The following REEP3 variants were observed in gnomAD, a reference collection of about 807,000 sequenced individuals.
The protein encoded by REEP3 is receptor accessory protein 3.
REEP3 carries 20 observed loss-of-function variants against 41.3 expected under a neutral mutation model. The ratio of observed to expected loss-of-function variants is 0.48; its 90% CI spans 0.34 to 0.70. The LOEUF is 0.70. Ranked by LOEUF, REEP3 falls within the 30% of genes least tolerant of loss-of-function variation. The pLI is 0.01. For missense variants in REEP3, 271 were observed against 308.8 expected (o/e 0.88, Z 0.92); for synonymous variants, 104 against 101.8 (o/e 1.02, Z -0.13).
At chr10:63,582,138 G>C (rs1420074786) in intron 2 of REEP3, among the ~76,000 whole-genome samples, 1 of 152,190 alleles carries the variant, frequency 6.6e-6, no homozygotes, top group African/African-American at 2.4e-5. Flanking sequence ...CTGGGATTCT[G>C]CTAAAATGCA....
intron 6 of REEP3, among the ~76,000 whole-genome samples, chr10:63,611,497 A>G (rs1427263148): frequency 2.0e-5 from 3 of 152,210 alleles, no homozygotes; most frequent in Non-Finnish European, 2.9e-5. Context: ...AAAAACTATC[A>G]TGATCTTAGA....
intron 2 of REEP3, among the ~76,000 whole-genome samples, chr10:63,582,419 A>G (rs1955963124): frequency 6.6e-6 from 1 of 152,174 alleles, no homozygotes; most frequent in African/African-American, 2.4e-5. Flanking sequence ...CCAAGTTGAA[A>G]ACCACTGATT....
At chr10:63,533,757 G>A (rs532028058) in intron 1 of REEP3, among the ~76,000 whole-genome samples, 1 of 123,238 alleles carries the variant, frequency 8.1e-6, no homozygotes, top group Non-Finnish European at 1.7e-5. Context: ...TCCCAGGCTG[G>A]AGTGCAGTGG....
chr10:63,586,877 G>C (rs1201586022), intron 2 of REEP3, among the ~76,000 whole-genome samples: 1 of 151,736 alleles, frequency 6.6e-6, no homozygotes, highest in Non-Finnish European at 1.5e-5. Context: ...TTTTGTGCCA[G>C]GTACTGTACA....
intron 2 of REEP3, among the ~76,000 whole-genome samples, chr10:63,583,218 C>T (rs1955971402): frequency 6.6e-6 from 1 of 152,114 alleles, no homozygotes; most frequent in Admixed American, 6.6e-5. Context: ...GTGTTGATCA[C>T]CTGACCTCAT....
At chr10:63,567,846 C>G (rs1955814394) in intron 2 of REEP3, among the ~76,000 whole-genome samples, 1 of 152,102 alleles carries the variant, frequency 6.6e-6, no homozygotes, top group African/African-American at 2.4e-5. Context: ...TTATAACTAA[C>G]TCATTTTATT....
At chr10:63,565,725 G>A (rs575201957) in intron 1 of REEP3, among the ~76,000 whole-genome samples, 3 of 152,040 alleles carry the variant, frequency 2.0e-5, no homozygotes, top group Non-Finnish European at 4.4e-5. Context: ...CAGGGTTGGA[G>A]CAATTTTTAT....
chr10:63,610,607 A>G (rs1156500194), intron 6 of REEP3, among the ~76,000 whole-genome samples: 2 of 152,308 alleles, frequency 1.3e-5, no homozygotes, highest in African/African-American at 4.8e-5. Context: ...ACGTATATAT[A>G]TGATTATTTC....
intron 1 of REEP3, among the ~76,000 whole-genome samples, chr10:63,529,706 A>G (rs1190947674): frequency 6.6e-6 from 1 of 151,184 alleles, no homozygotes; most frequent in Non-Finnish European, 1.5e-5. Context: ...GGCCTCAAGC[A>G]TTCCTACCAC....
In REEP3 at chr10:63,594,855, G is replaced by GT; in HGVS notation, c.182+2dup. The GT allele has an allele frequency of 1.2e-6, 2 of 1,604,646 alleles. No individual in the cohort carries two copies. The highest frequency in any genetic ancestry group is 1.7e-6 in the Non-Finnish European group (2 of 1,171,612). The stretch of plus-strand genomic sequence containing the variant: ...CAGTAGCCGATCAAACAGTTGCTTG[G>GT]TAAGTTTTACTATTGAGAAGGGGCC... On this transcript the variant is annotated splice_donor_variant, in intron 3 of 7. Coordinates refer to ENST00000373758, the MANE Select transcript of REEP3 (RefSeq NM_001001330.3). LOFTEE classifies it high-confidence loss of function.
At chr10:63,573,088 T>C (rs1955867151) in intron 2 of REEP3, among the ~76,000 whole-genome samples, 1 of 152,258 alleles carries the variant, frequency 6.6e-6, no homozygotes, top group East Asian at 1.9e-4. Context: ...AATTTACTTC[T>C]TCCCACCCCC....
chr10:63,551,790 A>G (rs1955631127), intron 1 of REEP3, among the ~76,000 whole-genome samples: 1 of 152,200 alleles, frequency 6.6e-6, no homozygotes, highest in Admixed American at 6.5e-5. Flanking sequence ...GGGATCCTGG[A>G]AAAGAAATGA....
intron 2 of REEP3, among the ~76,000 whole-genome samples, chr10:63,589,467 C>A (rs1029387070): frequency 6.6e-6 from 1 of 152,164 alleles, no homozygotes; most frequent in African/African-American, 2.4e-5. Flanking sequence ...GATCAGAAGA[C>A]AGGAAAAGCA....
At chr10:63,579,044 G>C (rs367857638) in intron 2 of REEP3, among the ~76,000 whole-genome samples, 60 of 147,210 alleles carry the variant, frequency 4.1e-4, no homozygotes, top group African/African-American at 1.2e-3. Flanking sequence ...TTTTTTTTGG[G>C]GGGGGGGAGA....
chr10:63,525,925 C>T (rs1955359954), intron 1 of REEP3, among the ~76,000 whole-genome samples: 2 of 152,090 alleles, frequency 1.3e-5, no homozygotes, highest in Admixed American at 6.5e-5. Context: ...GCCATTTATG[C>T]GTCATAACCT....
At chr10:63,579,044 G>A (rs367857638) in intron 2 of REEP3, among the ~76,000 whole-genome samples, 84 of 147,210 alleles carry the variant, frequency 5.7e-4, no homozygotes, top group African/African-American at 1.9e-3. Context: ...TTTTTTTTGG[G>A]GGGGGGGAGA....
intron 2 of REEP3, among the ~76,000 whole-genome samples, chr10:63,592,155 G>C (rs1423575491): frequency 6.6e-6 from 1 of 152,168 alleles, no homozygotes; most frequent in Non-Finnish European, 1.5e-5. Context: ...AAATCCTAGA[G>C]AACTGGAGAG....
chr10:63,605,394 A>G (rs1252864248), intron 5 of REEP3, among the ~76,000 whole-genome samples: 1 of 152,198 alleles, frequency 6.6e-6, no homozygotes, highest in Non-Finnish European at 1.5e-5. Flanking sequence ...AACTAACCTT[A>G]TCTGCAATTA....
At chr10:63,617,622 A>G (rs1315345369) in intron 6 of REEP3, among the ~76,000 whole-genome samples, 2 of 151,692 alleles carry the variant, frequency 1.3e-5, no homozygotes, top group East Asian at 3.9e-4. Context: ...CTGATCTCAA[A>G]CTCCTAAGCT....
Sources: allele counts gnomAD v4.1 joint callset (sites outside exome capture counted in the v4.1 genomes callset), GRCh38; gene constraint gnomAD v4.1.1; transcripts MANE v1.5; gene names NCBI Gene and HGNC (gene_info 2026-07-23, HGNC 2026-07-21).